PCDH15: variants seen among roughly 807,000 people sequenced by gnomAD.
The protein encoded by PCDH15 is protocadherin related 15.
A neutral mutation model predicts 178.5 loss-of-function variants in PCDH15; 129 were observed. The observed-to-expected ratio is 0.72, with a 90% CI of 0.63 to 0.84. The LOEUF (loss-of-function observed/expected upper bound fraction) is 0.84, where lower values mean the gene tolerates loss of function less well. Among genes scored for constraint, PCDH15 ranks in the 40% least tolerant of loss-of-function variants. The probability of loss-of-function intolerance (pLI) is 0.00; values close to 1 mark genes in which losing one functional copy is unlikely to be tolerated. For missense variants in PCDH15, 2,230 were observed against 2,099.9 expected (o/e 1.06, Z -1.21); for synonymous variants, 800 against 732.0 (o/e 1.09, Z -1.50).
intron 2 of PCDH15, among the ~76,000 whole-genome samples, chr10:55,555,188 T>TA (rs1251404743): frequency 9.2e-5 from 14 of 152,096 alleles, no homozygotes; most frequent in Non-Finnish European, 1.9e-4. Flanking sequence ...GAAATCACTC[T>TA]ATGCTGAGTG....
At chr10:53,880,994 G>A (rs2080670404) in intron 26 of PCDH15, among the ~76,000 whole-genome samples, 1 of 152,062 alleles carries the variant, frequency 6.6e-6, no homozygotes, top group Non-Finnish European at 1.5e-5. Context: ...GTGTATGTGT[G>A]TGTGTTTAAA....
At chr10:54,329,140 A>T (rs1216372183) in intron 7 of PCDH15, among the ~76,000 whole-genome samples, 1 of 146,020 alleles carries the variant, frequency 6.8e-6, no homozygotes, top group African/African-American at 2.6e-5. Flanking sequence ...GAAGAACACG[A>T]CCAATTAGGC....
At chr10:54,296,756 C>A (rs2059819250) in intron 8 of PCDH15, among the ~76,000 whole-genome samples, 1 of 151,340 alleles carries the variant, frequency 6.6e-6, no homozygotes, top group Admixed American at 6.6e-5. Flanking sequence ...TATGGGGAGC[C>A]TCAGAAATTG....
At chr10:54,984,123 A>G (rs1316345237) in intron 2 of PCDH15, among the ~76,000 whole-genome samples, 7 of 152,120 alleles carry the variant, frequency 4.6e-5, no homozygotes, top group African/African-American at 1.7e-4. Context: ...TGACACCCCA[A>G]AGTATGGTGG....
chr10:55,494,521 T>A (rs1840490372), intron 2 of PCDH15, among the ~76,000 whole-genome samples: 1 of 151,478 alleles, frequency 6.6e-6, no homozygotes, highest in Admixed American at 6.6e-5. Flanking sequence ...TTCTGTCTTT[T>A]GTTTATTTCC....
At chr10:55,091,032 AT>A (rs1564789972) in intron 2 of PCDH15, among the ~76,000 whole-genome samples, 2 of 151,868 alleles carry the variant, frequency 1.3e-5, no homozygotes, top group Non-Finnish European at 2.9e-5. Flanking sequence ...GACGTTATTT[AT>A]TTTTTCTACT....
At chr10:54,245,046 G>A (rs1305449801) in intron 8 of PCDH15, among the ~76,000 whole-genome samples, 1 of 151,966 alleles carries the variant, frequency 6.6e-6, no homozygotes, top group Non-Finnish European at 1.5e-5. Context: ...TTCTATCTAG[G>A]ACCTCCTTGT....
At chr10:54,465,249 G>A (rs183002619) in intron 3 of PCDH15, among the ~76,000 whole-genome samples, 8 of 152,002 alleles carry the variant, frequency 5.3e-5, no homozygotes, top group East Asian at 1.9e-4. Flanking sequence ...ATCTCAATGC[G>A]TTAAAAATAT....
chr10:54,639,051 C>T lies in PCDH15; in HGVS notation c.91+25121G>A, dbSNP rs148451227. Among the ~76,000 whole-genome samples, 183 of 152,052 alleles carry T rather than the reference C, an allele frequency of 1.2e-3. 2 individuals are homozygous for T. Among genetic ancestry groups the T allele is most frequent in the Middle Eastern group, 6.8e-3 (2 of 294 alleles). ...TATCCTACCTTAACAAGCCACTGTC[C>T]CTTTAATTTTATCTCCTGTATCCCG... On this transcript the variant is annotated intron_variant, in intron 2 of 37. Coordinates refer to ENST00000644397, the MANE Select transcript of PCDH15 (RefSeq NM_001384140.1).
chr10:54,492,352 T>C (rs892009794), intron 3 of PCDH15, among the ~76,000 whole-genome samples: 2 of 152,200 alleles, frequency 1.3e-5, no homozygotes, highest in Non-Finnish European at 2.9e-5. Context: ...CAGGTCTCTG[T>C]AAATTGTTCT....
chr10:55,266,144 A>C (rs1842288317), intron 1 of PCDH15, among the ~76,000 whole-genome samples: 1 of 152,128 alleles, frequency 6.6e-6, no homozygotes, highest in African/African-American at 2.4e-5. Flanking sequence ...TTTGGCACTA[A>C]ATTCTTTCCT....
At chr10:54,172,403 G>A (rs1010755570) in intron 13 of PCDH15, among the ~76,000 whole-genome samples, 13 of 151,684 alleles carry the variant, frequency 8.6e-5, no homozygotes, top group South Asian at 2.1e-4. Context: ...ATCTCCCTTA[G>A]CTGACTCTCT....
At chr10:55,049,827 C>T (rs1361351176) in intron 2 of PCDH15, among the ~76,000 whole-genome samples, 1 of 151,946 alleles carries the variant, frequency 6.6e-6, no homozygotes, top group Non-Finnish European at 1.5e-5. Flanking sequence ...AGTTGTATAA[C>T]TATTTTGCAT....
intron 2 of PCDH15, among the ~76,000 whole-genome samples, chr10:55,500,166 T>C (rs1840623902): frequency 6.6e-6 from 1 of 151,756 alleles, no homozygotes; most frequent in Non-Finnish European, 1.5e-5. Flanking sequence ...AGCAGAATTC[T>C]GGTAAATGAC....
At chr10:55,179,247 AG>A (rs1330765574) in intron 1 of PCDH15, among the ~76,000 whole-genome samples, 1 of 152,084 alleles carries the variant, frequency 6.6e-6, no homozygotes, top group Non-Finnish European at 1.5e-5. Flanking sequence ...GGAAGCAGTT[AG>A]AGCAGTCATT....
intron 15 of PCDH15, among the ~76,000 whole-genome samples, chr10:54,102,735 C>T (rs1304383894): frequency 6.6e-6 from 1 of 152,186 alleles, no homozygotes; most frequent in African/African-American, 2.4e-5. Context: ...CTGCCAGCTT[C>T]TAAGTATGCC....
At chr10:54,989,667 A>G (rs1461408715) in intron 2 of PCDH15, among the ~76,000 whole-genome samples, 6 of 152,232 alleles carry the variant, frequency 3.9e-5, no homozygotes, top group African/African-American at 1.2e-4. Context: ...GAAATGGGTA[A>G]TTTATTTACT....
chr10:54,865,128 G>A (rs994565352), intron 3 of PCDH15, among the ~76,000 whole-genome samples: 5 of 152,146 alleles, frequency 3.3e-5, no homozygotes, highest in African/African-American at 1.2e-4. Context: ...CGAGGGTGTT[G>A]CCATAGGAGA....
intron 2 of PCDH15, among the ~76,000 whole-genome samples, chr10:54,955,335 T>TA (rs1190186263): frequency 6.6e-6 from 1 of 151,406 alleles, no homozygotes; most frequent in African/African-American, 2.4e-5. Flanking sequence ...ACCAATGTTT[T>TA]AAAACAATTT....
Sources: gnomAD v4.1 joint callset for allele counts (sites outside exome capture counted in the v4.1 genomes callset) on GRCh38, gnomAD v4.1.1 for gene constraint, MANE v1.5 for transcripts, NCBI Gene and HGNC (gene_info 2026-07-23, HGNC 2026-07-21) for gene names.